The following SH3PXD2A variants were observed in gnomAD, a reference collection of about 807,000 sequenced individuals.
The protein encoded by SH3PXD2A is SH3 and PX domains 2A.
Under a neutral mutation model 115.2 loss-of-function variants are expected in SH3PXD2A, and 32 were observed. The observed-to-expected ratio is 0.28, with a 90% CI of 0.21 to 0.37. The LOEUF is 0.37. SH3PXD2A is among the 10% of genes least tolerant of loss of function. SH3PXD2A has a pLI of 1.00. For synonymous variants in SH3PXD2A, 610 were observed against 629.1 expected, an observed-to-expected ratio of 0.97 and a Z score of 0.45; for missense variants, 1,328 against 1,498.7, an observed-to-expected ratio of 0.89 and a Z score of 1.88.
intron 2 of SH3PXD2A, among the ~76,000 whole-genome samples, chr10:103,777,314 C>A (rs958744543): frequency 6.6e-6 from 1 of 152,268 alleles, no homozygotes; most frequent in Non-Finnish European, 1.5e-5. Context: ...AAACTACAAC[C>A]CTGAGGTCAG....
In SH3PXD2A at chr10:103,611,519, G is replaced by A. The variant is rs1198157097; in HGVS notation, c.1308+62C>T. On this transcript the variant is annotated intron_variant, in intron 13 of 14. Coordinates refer to ENST00000369774, the MANE Select transcript of SH3PXD2A (RefSeq NM_001394015.1). ...TCTGCCGCAAGATAGCCAATTGATC[G>A]GGTGGCTATAGCGCATTCACAGAAA... 1.1e-5 allele frequency: 16 copies of A among 1,405,388 alleles called. No individual in the cohort carries two copies. In the East Asian group the frequency reaches 1.4e-4, roughly 12 times the overall value. The allele number at this position is 1,405,388 out of a possible 1,614,324, so 87.1% of individuals were successfully genotyped here.
chr10:103,778,660 G>C (rs2038903774), intron 2 of SH3PXD2A, among the ~76,000 whole-genome samples: 1 of 152,208 alleles, frequency 6.6e-6, no homozygotes, highest in Non-Finnish European at 1.5e-5. Context: ...CTAGATGAAT[G>C]GGGTCGCCAG....
At chr10:103,606,547 C>T (rs540576397) in intron 13 of SH3PXD2A, among the ~76,000 whole-genome samples, 1,967 of 150,760 alleles carry the variant, frequency 0.013, 16 homozygotes, top group Admixed American at 0.018. Context: ...GATGCCGAGC[C>T]GAAGCTGGAC....
At chr10:103,623,778 G>T (rs908287796) in intron 9 of SH3PXD2A, among the ~76,000 whole-genome samples, 2 of 152,216 alleles carry the variant, frequency 1.3e-5, no homozygotes, top group African/African-American at 4.8e-5. Flanking sequence ...CCTAGACAAG[G>T]GGCTGAATGG....
chr10:103,725,593 G>A (rs577862786), intron 4 of SH3PXD2A, among the ~76,000 whole-genome samples: 1 of 152,244 alleles, frequency 6.6e-6, no homozygotes, highest in Non-Finnish European at 1.5e-5. Flanking sequence ...TTGGGAGGCC[G>A]AGGTGGGCAG....
At chr10:103,806,073 G>A (rs1291018988) in intron 1 of SH3PXD2A, among the ~76,000 whole-genome samples, 1 of 152,138 alleles carries the variant, frequency 6.6e-6, no homozygotes, top group African/African-American at 2.4e-5. Flanking sequence ...GCAAAGGATT[G>A]TTCCTGCTAA....
chr10:103,700,871 A>G (rs532174606), intron 5 of SH3PXD2A, among the ~76,000 whole-genome samples: 9 of 152,310 alleles, frequency 5.9e-5, no homozygotes, highest in African/African-American at 2.2e-4. Flanking sequence ...GGGTTCAACA[A>G]TGAAGTCCCT....
At chr10:103,764,934 T>C (rs990268330) in intron 3 of SH3PXD2A, among the ~76,000 whole-genome samples, 34 of 152,258 alleles carry the variant, frequency 2.2e-4, no homozygotes, top group Non-Finnish European at 4.4e-5. Context: ...TATATGTAAA[T>C]TGTGGTGTAA....
chr10:103,718,113 C>G (rs1305127451), intron 5 of SH3PXD2A, among the ~76,000 whole-genome samples: 2 of 151,926 alleles, frequency 1.3e-5, no homozygotes, highest in African/African-American at 4.8e-5. Flanking sequence ...TTAAGCAATC[C>G]TCCTGCCTCA....
At chr10:103,749,103 C>A (rs969420840) in intron 3 of SH3PXD2A, among the ~76,000 whole-genome samples, 2 of 152,094 alleles carry the variant, frequency 1.3e-5, no homozygotes, top group South Asian at 2.1e-4. Context: ...GTTAGCCTGG[C>A]TGGTTTCGAA....
chr10:103,829,000 T>TCC, intron 1 of SH3PXD2A, among the ~76,000 whole-genome samples: 1 of 152,328 alleles, frequency 6.6e-6, no homozygotes, highest in East Asian at 1.9e-4. Context: ...TGATGGTTCT[T>TCC]CCACCCTTTT....
intron 2 of SH3PXD2A, among the ~76,000 whole-genome samples, chr10:103,783,809 A>G (rs2038955227): frequency 6.6e-6 from 1 of 152,258 alleles, no homozygotes; most frequent in Admixed American, 6.5e-5. Context: ...AAAAGAGAGG[A>G]ATCCCTAGAG....
intron 5 of SH3PXD2A, among the ~76,000 whole-genome samples, chr10:103,723,879 C>T (rs191937644): frequency 6.6e-6 from 1 of 152,304 alleles, no homozygotes; most frequent in African/African-American, 2.4e-5. Flanking sequence ...CTGGGCAGTG[C>T]ACACTGGGAC....
chr10:103,641,551 T>C (rs1396169038), intron 8 of SH3PXD2A, among the ~76,000 whole-genome samples: 2 of 152,218 alleles, frequency 1.3e-5, no homozygotes, highest in Non-Finnish European at 2.9e-5. Context: ...CTGTTCATTG[T>C]CTTGCAGAAG....
intron 5 of SH3PXD2A, among the ~76,000 whole-genome samples, chr10:103,702,584 C>T (rs915953769): frequency 5.1e-5 from 2 of 39,262 alleles, no homozygotes; most frequent in Non-Finnish European, 9.3e-5. Flanking sequence ...CAGATGTAAG[C>T]CTGTGTGTGT....
intron 1 of SH3PXD2A, among the ~76,000 whole-genome samples, chr10:103,852,248 T>C (rs1262016760): frequency 6.6e-6 from 1 of 152,230 alleles, no homozygotes; most frequent in Non-Finnish European, 1.5e-5. Context: ...ATCCCCATGA[T>C]GGAAGCTACT....
intron 8 of SH3PXD2A, among the ~76,000 whole-genome samples, chr10:103,651,272 A>C (rs1592282584): frequency 1.3e-5 from 2 of 152,138 alleles, no homozygotes; most frequent in African/African-American, 4.8e-5. Context: ...ACCCACACAG[A>C]CCAGCCCCTC....
In SH3PXD2A at chr10:103,597,054, G is replaced by GAAGT. The variant is rs1162397032; in HGVS notation, c.*4758_*4761dup. 6.6e-6 allele frequency: 1 copy of GAAGT among 152,606 alleles called. No individual in the cohort carries two copies. The highest frequency in any genetic ancestry group is 1.9e-4 in the East Asian group (1 of 5,186). The allele number at this position is 152,606 out of a possible 1,614,324, so 9.5% of individuals were successfully genotyped here. A position where few individuals can be genotyped will look rare whatever the true frequency, so the allele number is the denominator to read the frequency against. On this transcript the variant is annotated 3_prime_UTR_variant, in exon 15 of 15. Transcript: ENST00000369774. ...GAGGCCAGATTGGTACCTGTTGTGG[G>GAAGT]AAGTTTTGTCTGCAGAGAAACTTGA...
intron 6 of SH3PXD2A, among the ~76,000 whole-genome samples, chr10:103,682,327 G>A (rs552864260): frequency 2.0e-5 from 3 of 152,362 alleles, no homozygotes; most frequent in Admixed American, 6.5e-5. Flanking sequence ...TTTCTCCATC[G>A]CATCACCGCC....
Sources: gnomAD v4.1 joint callset for allele counts (sites outside exome capture counted in the v4.1 genomes callset) on GRCh38, gnomAD v4.1.1 for gene constraint, MANE v1.5 for transcripts, NCBI Gene and HGNC (gene_info 2026-07-23, HGNC 2026-07-21) for gene names.